The following ENDOV variants were observed in gnomAD, a reference collection of about 807,000 sequenced individuals.
ENDOV encodes the protein hEndoV.
A neutral mutation model predicts 39.4 loss-of-function variants in ENDOV; 37 were observed. The observed-to-expected ratio is 0.94, with a 90% CI of 0.72 to 1.23. ENDOV has a LOEUF of 1.23. Among genes scored for constraint, ENDOV ranks in the 50% most tolerant of loss-of-function variants. ENDOV has a pLI of 0.00. For missense variants in ENDOV, 441 were observed against 375.7 expected (o/e 1.17, Z -1.44); for synonymous variants, 186 against 163.4 (o/e 1.14, Z -1.05).
intron 2 of ENDOV, among the ~76,000 whole-genome samples, chr17:80,416,427 C>A (rs1416528105): frequency 6.6e-6 from 1 of 152,088 alleles, no homozygotes; most frequent in African/African-American, 2.4e-5. Flanking sequence ...GATCTGCATC[C>A]TCCTGGGCCC....
At chr17:80,425,136 CG>C in intron 6 of ENDOV, 36 bp downstream of exon 6, 1 of 1,564,720 alleles carries the variant, frequency 6.4e-7, no homozygotes, top group Non-Finnish European at 8.7e-7. Context: ...TCCAAAGCCC[CG>C]GGGTAGGGGA....
chr17:80,427,385 A>C, intron 7 of ENDOV: 2 of 979,968 alleles, frequency 2.0e-6, no homozygotes, highest in Non-Finnish European at 2.4e-6. Context: ...GCCCCAGAGT[A>C]GGACAGTGGC....
chr17:80,416,738 T>C (rs962989062), intron 2 of ENDOV, among the ~76,000 whole-genome samples: 1 of 130,160 alleles, frequency 7.7e-6, no homozygotes, highest in Non-Finnish European at 1.6e-5. Context: ...CTTCCTCCCT[T>C]CCTTCCTCTC....
intron 1 of ENDOV, 35 bp downstream of exon 1, chr17:80,415,285 C>T (rs1419540639): frequency 6.2e-7 from 1 of 1,610,174 alleles, no homozygotes; most frequent in South Asian, 1.1e-5. Context: ...GAGGCGGGGG[C>T]CGAGGCCGGG....
At chr17:80,430,984 AC>A (rs2083297055) in intron 9 of ENDOV, among the ~76,000 whole-genome samples, 1 of 151,482 alleles carries the variant, frequency 6.6e-6, no homozygotes, top group Non-Finnish European at 1.5e-5. Context: ...CCTTGCAAGC[AC>A]CCCCCAGCCC....
chr17:80,423,015 T>G (rs199850562), intron 4 of ENDOV, among the ~76,000 whole-genome samples: 13 of 142,498 alleles, frequency 9.1e-5, no homozygotes, highest in Non-Finnish European at 1.8e-4. Flanking sequence ...GATGGGCTCT[T>G]TTACTGTTAC....
chr17:80,422,360 C>A, intron 4 of ENDOV, 115 bp downstream of exon 4: 1 of 1,265,136 alleles, frequency 7.9e-7, no homozygotes, highest in South Asian at 1.3e-5. Context: ...CGCCAGCCCC[C>A]TCCAATGGCT....
At chr17:80,419,034 A>G (rs761568245) in intron 2 of ENDOV, among the ~76,000 whole-genome samples, 98 of 152,072 alleles carry the variant, frequency 6.4e-4, no homozygotes, top group Admixed American at 1.2e-3. Flanking sequence ...TCAGCCGGGC[A>G]TGGTGGCGGG....
chr17:80,435,472 T>C (rs1423394535), intron 9 of ENDOV, among the ~76,000 whole-genome samples: 1 of 152,214 alleles, frequency 6.6e-6, no homozygotes, highest in Non-Finnish European at 1.5e-5. Flanking sequence ...GCTTTGTTGT[T>C]GAGACAGGGT....
chr17:80,422,642 T>G (rs2082197342), intron 4 of ENDOV, among the ~76,000 whole-genome samples: 5 of 152,114 alleles, frequency 3.3e-5, no homozygotes, highest in Admixed American at 3.3e-4. Flanking sequence ...ACTAGACAGG[T>G]GTACCCAGGC....
At chr17:80,431,923 TG>T (rs2083353927) in intron 9 of ENDOV, among the ~76,000 whole-genome samples, 1 of 150,446 alleles carries the variant, frequency 6.6e-6, no homozygotes, top group African/African-American at 2.5e-5. Flanking sequence ...GGGAGAGGGG[TG>T]GAGTTGACAG....
At chr17:80,428,340 C>G in intron 7 of ENDOV, 1 of 520,624 alleles carries the variant, frequency 1.9e-6, no homozygotes, top group African/African-American at 1.9e-5. Context: ...GTCCACTCAC[C>G]AGCTACTCAG....
intron 6 of ENDOV, 50 bp downstream of exon 6, chr17:80,425,150 C>G: frequency 6.6e-7 from 1 of 1,517,800 alleles, no homozygotes; most frequent in Non-Finnish European, 9.0e-7. Flanking sequence ...GTAGGGGATC[C>G]TTTGCAGGCA....
intron 9 of ENDOV, among the ~76,000 whole-genome samples, chr17:80,431,503 G>A (rs529011283): frequency 6.6e-6 from 1 of 152,342 alleles, no homozygotes; most frequent in East Asian, 1.9e-4. Context: ...CTAAAGTCAC[G>A]GGGGGCACAG....
intron 8 of ENDOV, 85 bp downstream of exon 8, chr17:80,428,745 G>T (rs1430160851): frequency 1.0e-5 from 14 of 1,340,200 alleles, no homozygotes; most frequent in Non-Finnish European, 1.1e-5. Context: ...GCCTCTCCTT[G>T]TTGCAATATT....
chr17:80,430,109 C>T, intron 9 of ENDOV: 1 of 1,534,156 alleles, frequency 6.5e-7, no homozygotes, highest in Non-Finnish European at 8.7e-7. Context: ...CACAGCCCAG[C>T]ACCAGGTGGG....
intron 1 of ENDOV, 135 bp from the exon 2 acceptor site, chr17:80,415,515 G>A (rs2080988170): frequency 3.3e-6 from 4 of 1,211,386 alleles, no homozygotes; most frequent in Middle Eastern, 5.4e-4. Context: ...CTGTGGCCTC[G>A]GCGGTATGTC....
chr17:80,419,739 A>G (rs1344750694), intron 2 of ENDOV: 4 of 695,174 alleles, frequency 5.8e-6, no homozygotes, highest in African/African-American at 3.5e-5. Flanking sequence ...CCCTCTGGTC[A>G]TGCCCTCCGT....
At chr17:80,415,398 G>A (rs2080951278) in intron 1 of ENDOV, 148 bp downstream of exon 1, 3 of 1,104,472 alleles carry the variant, frequency 2.7e-6, no homozygotes, top group African/African-American at 1.6e-5. Context: ...GCGCGGAAGC[G>A]GAGGGATCTC....
Sources: gnomAD v4.1 joint callset for allele counts (sites outside exome capture counted in the v4.1 genomes callset) on GRCh38, gnomAD v4.1.1 for gene constraint, MANE v1.5 for transcripts, NCBI Gene and HGNC (gene_info 2026-07-23, HGNC 2026-07-21) for gene names.